The following RALGPS1 variants were observed in gnomAD, a reference collection of about 807,000 sequenced individuals.
RALGPS1 encodes the protein ras-specific guanine nucleotide-releasing factor RalGPS1.
RALGPS1 carries 19 observed loss-of-function variants against 78.8 expected under a neutral mutation model. The ratio of observed to expected loss-of-function variants is 0.24; its 90% confidence interval spans 0.17 to 0.35. The LOEUF (loss-of-function observed/expected upper bound fraction) is 0.35. RALGPS1 is among the 10% of genes least tolerant of loss of function. RALGPS1 has a pLI of 1.00. For synonymous variants in RALGPS1, 228 were observed against 256.3 expected (o/e 0.89, Z 1.06); for missense variants, 454 against 688.3 (o/e 0.66, Z 3.81).
intron 8 of RALGPS1, among the ~76,000 whole-genome samples, chr9:127,131,953 G>A (rs1237552638): frequency 6.6e-6 from 1 of 152,060 alleles, no homozygotes; most frequent in Non-Finnish European, 1.5e-5. Context: ...GTAAATCTGG[G>A]GCCCGGGAAT....
intron 5 of RALGPS1, among the ~76,000 whole-genome samples, chr9:127,045,614 C>T (rs767872791): frequency 3.9e-5 from 6 of 151,970 alleles, no homozygotes; most frequent in Non-Finnish European, 7.4e-5. Context: ...CTAGAACGAC[C>T]CACGTGGTAA....
chr9:127,113,872 CCT>C (rs1170127816), intron 8 of RALGPS1, among the ~76,000 whole-genome samples: 5 of 152,204 alleles, frequency 3.3e-5, no homozygotes, highest in African/African-American at 1.2e-4. Flanking sequence ...TGTCCGCATC[CCT>C]CTCACCACTG....
rs2062331640 is a variant in RALGPS1 at position 127,212,543 on chromosome 9, G to C, written c.1354-84G>C. 22 of 974,780 alleles carry C rather than the reference G, an allele frequency of 2.3e-5. No homozygotes were observed. Among genetic ancestry groups the C allele is most frequent in the Non-Finnish European group, 3.2e-5 (21 of 651,290 alleles). The allele number at this position is 974,780 out of a possible 1,614,324, so 60.4% of individuals were successfully genotyped here. A position where few individuals can be genotyped will look rare whatever the true frequency, so the allele number is the denominator to read the frequency against. ...AGATGGGGCCTGCACTGGCATTGAT[G>C]GGATGGCTGGGTCTGTAATCGGCCA... is the stretch of plus-strand genomic sequence containing the variant. On this transcript the variant is annotated intron_variant, in intron 15 of 18. Coordinates refer to ENST00000259351, the MANE Select transcript of RALGPS1 (RefSeq NM_014636.3). This position sits in a 1 kb window ranked among gnomAD's most constrained non-coding sequence, Gnocchi z 6.0.
rs756481918 is a variant in RALGPS1, at chr9:127,188,832, T to TTAAAAAAAAAAAAAAAAAAAAAAAAAAA, written c.911-6259_911-6258insTAAAAAAAAAAAAAAAAAAAAAAAAAAA. Among the ~76,000 whole-genome samples the TTAAAAAAAAAAAAAAAAAAAAAAAAAAA allele has an allele frequency of 3.8e-3, 333 of 87,394 alleles. 60 individuals carry two copies. The highest frequency in any genetic ancestry group is 0.014 in the Middle Eastern group (2 of 140). The allele number at this position is 87,394 out of a possible 152,430, so 57.3% of individuals were successfully genotyped here. On this transcript the variant is annotated intron_variant, in intron 11 of 18. Transcript: ENST00000259351. ...AAAGACTAAGAAACCCCATCTCTAC[T>TTAAAAAAAAAAAAAAAAAAAAAAAAAAA]AAAAAAAAAAAAAAAAATGTAGCCA...
At chr9:127,194,285 A>G (rs1476356280) in intron 11 of RALGPS1, among the ~76,000 whole-genome samples, 1 of 152,242 alleles carries the variant, frequency 6.6e-6, no homozygotes, top group Non-Finnish European at 1.5e-5. Flanking sequence ...CAGGTAGCAA[A>G]TGAAAGACCT....
intron 8 of RALGPS1, among the ~76,000 whole-genome samples, chr9:127,142,811 A>G (rs2057869500): frequency 6.6e-6 from 1 of 152,274 alleles, no homozygotes; most frequent in Admixed American, 6.5e-5. Flanking sequence ...AATTATATAC[A>G]TTTGTGTGTG....
chr9:127,096,583 GCGC>G (rs1354072924), intron 8 of RALGPS1, among the ~76,000 whole-genome samples: 2 of 152,204 alleles, frequency 1.3e-5, no homozygotes, highest in Admixed American at 1.3e-4. Context: ...GCCTTTGTGG[GCGC>G]CATGAATGAT....
At chr9:127,177,270 G>A (rs1183883294) in intron 11 of RALGPS1, among the ~76,000 whole-genome samples, 6 of 152,122 alleles carry the variant, frequency 3.9e-5, no homozygotes, top group Admixed American at 6.5e-5. Context: ...TAGCCCAAGT[G>A]TGGAGGAGAT....
At chr9:127,185,687 C>T (rs1318983501) in intron 11 of RALGPS1, among the ~76,000 whole-genome samples, 3 of 151,978 alleles carry the variant, frequency 2.0e-5, no homozygotes, top group Non-Finnish European at 4.4e-5. Flanking sequence ...GTTGCCTTTA[C>T]CGTATTTATT....
rs1282671081 is a variant in RALGPS1, at chr9:127,168,713, C to T, written c.783C>T (p.Tyr261=). ...HLTTLPHVQK[Y]LKSVRYIEEL... ...CCACCCTGCCCCATGTGCAGAAGTA[C>T]CTGAAGTCCGTACGCTACATTGAAG... The change falls in exon 10 of 19, where the codon TAC becomes TAT. Residue 261 remains tyrosine, a synonymous_variant. Coordinates refer to ENST00000259351, the MANE Select transcript of RALGPS1 (RefSeq NM_014636.3). The T allele has an allele frequency of 6.2e-7, 1 of 1,613,824 alleles. No homozygotes were observed. Among genetic ancestry groups the T allele is most frequent in the Admixed American group, 1.7e-5 (1 of 60,010 alleles).
intron 1 of RALGPS1, among the ~76,000 whole-genome samples, chr9:126,941,136 C>CG (rs912874723): frequency 6.6e-6 from 1 of 151,422 alleles, no homozygotes; most frequent in African/African-American, 2.4e-5. Flanking sequence ...ATACGCCCCC[C>CG]CCCTTTAAAA....
intron 4 of RALGPS1, among the ~76,000 whole-genome samples, chr9:127,018,323 AC>A (rs1237899385): frequency 6.9e-6 from 1 of 145,736 alleles, no homozygotes; most frequent in Non-Finnish European, 1.5e-5. Context: ...AAAAAAAAAA[AC>A]AGTAGAAGGA....
At chr9:126,940,001 G>A (rs1369683461) in intron 1 of RALGPS1, among the ~76,000 whole-genome samples, 4 of 152,200 alleles carry the variant, frequency 2.6e-5, no homozygotes, top group Non-Finnish European at 5.9e-5. Flanking sequence ...TAGTTCAGTC[G>A]TCTGTGTACA....
intron 1 of RALGPS1, among the ~76,000 whole-genome samples, chr9:126,927,304 C>T (rs905761427): frequency 6.6e-6 from 1 of 151,754 alleles, no homozygotes; most frequent in African/African-American, 2.4e-5. Context: ...TGCTGGGGAG[C>T]GTCAGCATGA....
chr9:127,000,751 G>A (rs138853997), intron 4 of RALGPS1, among the ~76,000 whole-genome samples: 11,651 of 149,984 alleles, frequency 0.078, 1,500 homozygotes, highest in African/African-American at 0.27. Flanking sequence ...ACGGGGCTTC[G>A]CCGTGTTGGT....
At chr9:126,941,171 G>GA (rs1319007268) in intron 1 of RALGPS1, among the ~76,000 whole-genome samples, 1 of 151,932 alleles carries the variant, frequency 6.6e-6, no homozygotes, top group Admixed American at 6.6e-5. Flanking sequence ...AGTTGTGGGG[G>GA]GGGGTTGTTG....
chr9:126,982,928 C>CTTTTTTTTTTT (rs71377984), intron 4 of RALGPS1, among the ~76,000 whole-genome samples: 6 of 34,628 alleles, frequency 1.7e-4, no homozygotes, highest in Admixed American at 9.0e-4. Context: ...TCTTCTTCTT[C>CTTTTTTTTTTT]TTTTTTTTTT....
intron 4 of RALGPS1, 87 bp from the exon 5 acceptor site, chr9:127,034,344 A>C: frequency 8.4e-7 from 1 of 1,189,608 alleles, no homozygotes. Context: ...TCCCACCTTC[A>C]TGCATGCTCA....
At chr9:127,008,752 C>G (rs1369345361) in intron 4 of RALGPS1, among the ~76,000 whole-genome samples, 2 of 152,164 alleles carry the variant, frequency 1.3e-5, no homozygotes, top group Non-Finnish European at 2.9e-5. Context: ...ATTATCTCAT[C>G]TGTAAAATGG....
Sources: gnomAD v4.1 joint callset for allele counts (sites outside exome capture counted in the v4.1 genomes callset) on GRCh38, gnomAD v4.1.1 for gene constraint, Gnocchi (gnomAD v3.1) non-coding constraint, MANE v1.5 for transcripts, NCBI Gene and HGNC (gene_info 2026-07-23, HGNC 2026-07-21) for gene names.